CD86: variants seen among roughly 807,000 people sequenced by gnomAD.
CD86 encodes the protein CD86 molecule, also known as T-lymphocyte activation antigen CD86.
A neutral mutation model predicts 32.1 loss-of-function variants in CD86; 11 were observed. The ratio of observed to expected loss-of-function variants is 0.34; its 90% CI spans 0.22 to 0.57. The LOEUF is 0.57. Ranked by LOEUF, CD86 falls within the 20% of genes least tolerant of loss-of-function variation. The pLI is 0.86. For missense variants in CD86, 359 were observed against 398.4 expected (o/e 0.90, Z 0.84); for synonymous variants, 137 against 135.3 (o/e 1.01, Z -0.09).
intron 1 of CD86, among the ~76,000 whole-genome samples, chr3:122,086,894 G>C (rs1036500153): frequency 8.3e-6 from 1 of 120,986 alleles, no homozygotes; most frequent in Non-Finnish European, 1.7e-5. Context: ...AAACTGGTTG[G>C]CATTTTTAAA....
At chr3:122,110,499 C>T (rs76215842) in intron 5 of CD86, among the ~76,000 whole-genome samples, 3,445 of 152,246 alleles carry the variant, frequency 0.023, 50 homozygotes, top group Middle Eastern at 0.034. Context: ...TGAGTATTGC[C>T]TCTGGCCAGC....
intron 4 of CD86, among the ~76,000 whole-genome samples, chr3:122,108,528 A>C (rs963864550): frequency 6.6e-6 from 1 of 152,210 alleles, no homozygotes; most frequent in South Asian, 2.1e-4. Flanking sequence ...ATTAGCTACC[A>C]GAACTGTTCC....
chr3:122,087,706 G>A (rs562385049), intron 1 of CD86, among the ~76,000 whole-genome samples: 1 of 152,164 alleles, frequency 6.6e-6, no homozygotes, highest in South Asian at 2.1e-4. Flanking sequence ...TGGAAGGATT[G>A]TTACTCCTGG....
At chr3:122,068,674 G>A (rs1224502954) in intron 1 of CD86, among the ~76,000 whole-genome samples, 1 of 152,148 alleles carries the variant, frequency 6.6e-6, no homozygotes, top group East Asian at 1.9e-4. Context: ...TTTTAAATGT[G>A]CTGCTGTATA....
intron 1 of CD86, among the ~76,000 whole-genome samples, chr3:122,087,785 G>A (rs1190495959): frequency 6.6e-6 from 1 of 152,126 alleles, no homozygotes; most frequent in Non-Finnish European, 1.5e-5. Context: ...TGGCAGAAGT[G>A]TGTTAGGCTT....
At chr3:122,067,649 C>A (rs2072433476) in intron 1 of CD86, among the ~76,000 whole-genome samples, 4 of 152,138 alleles carry the variant, frequency 2.6e-5, no homozygotes, top group Admixed American at 2.6e-4. Flanking sequence ...CAAATGCTGT[C>A]CTTCTTAAAA....
At chr3:122,080,561 G>A (rs565098091) in intron 1 of CD86, among the ~76,000 whole-genome samples, 2 of 152,220 alleles carry the variant, frequency 1.3e-5, no homozygotes, top group East Asian at 1.9e-4. Context: ...CTAAATCTGC[G>A]AAGACATTTC....
chr3:122,109,286 C>T lies in CD86; in HGVS notation c.725C>T (p.Pro242Leu). The T allele has an allele frequency of 6.2e-7, 1 of 1,613,886 alleles. No individual in the cohort carries two copies. The highest frequency in any genetic ancestry group is 8.5e-7 in the Non-Finnish European group (1 of 1,179,890). Residue 242 changes from proline (P) to leucine (L), a missense_variant, in exon 5 of 7, where the codon CCC becomes CTC. Physicochemically the swap from Pro to Leu is moderately conservative, Grantham distance 98 (BLOSUM62 -3). Transcript: ENST00000330540. Reference protein sequence around the residue: ...FSIELEDPQPPPDHIPWITAV... With the variant: ...FSIELEDPQPLPDHIPWITAV... Reference sequence around the variant, plus strand: ...GTAGAGCTTGAGGACCCTCAGCCTCCCCCAGACCACATTCCTTGGATTACA... The same window carrying T: ...GTAGAGCTTGAGGACCCTCAGCCTCTCCCAGACCACATTCCTTGGATTACA...
chr3:122,103,717 G>T lies in CD86; in HGVS notation c.270G>T (p.Ser90=). ...ATATGGGCCGCACAAGTTTTGATTCGGACAGTTGGACCCTGAGACTTCACA... is the reference window on the plus strand; with the variant it reads ...ATATGGGCCGCACAAGTTTTGATTCTGACAGTTGGACCCTGAGACTTCACA... The part of the protein sequence containing the change: ...SKYMGRTSFD[S]DSWTLRLHNL... The change falls in exon 3 of 7, where the codon TCG becomes TCT. Residue 90 remains serine, a synonymous_variant. Coordinates refer to ENST00000330540, the MANE Select transcript of CD86 (RefSeq NM_175862.5). The T allele has an allele frequency of 6.2e-7, 1 of 1,614,002 alleles. No individual in the cohort carries two copies. The highest frequency in any genetic ancestry group is 1.1e-5 in the South Asian group (1 of 91,076).
chr3:122,093,926 C>A (rs2072867531), intron 2 of CD86, among the ~76,000 whole-genome samples: 1 of 152,210 alleles, frequency 6.6e-6, no homozygotes, highest in Admixed American at 6.5e-5. Flanking sequence ...AGCATTCGTT[C>A]ACTTGACTCT....
intron 4 of CD86, among the ~76,000 whole-genome samples, chr3:122,108,632 G>A (rs977502045): frequency 4.6e-5 from 7 of 152,178 alleles, no homozygotes; most frequent in Non-Finnish European, 7.3e-5. Context: ...CTCATGTAAG[G>A]AAGTAGTTCC....
intron 2 of CD86, among the ~76,000 whole-genome samples, chr3:122,095,170 GA>G (rs1559907621): frequency 1.9e-5 from 2 of 106,264 alleles, no homozygotes; most frequent in African/African-American, 3.2e-5. Flanking sequence ...TTCACTTTAA[GA>G]TTTTTTTTTT....
intron 1 of CD86, among the ~76,000 whole-genome samples, chr3:122,063,689 C>G (rs1576756928): frequency 6.6e-6 from 1 of 151,650 alleles, no homozygotes; most frequent in East Asian, 1.9e-4. Flanking sequence ...GCCTTCACCT[C>G]CCGGGTTCAG....
intron 2 of CD86, among the ~76,000 whole-genome samples, chr3:122,094,110 C>G (rs1016394075): frequency 6.6e-6 from 1 of 152,206 alleles, no homozygotes; most frequent in Non-Finnish European, 1.5e-5. Context: ...AAGCCCTTCT[C>G]ATCAAAGTGA....
intron 2 of CD86, among the ~76,000 whole-genome samples, chr3:122,098,080 T>A (rs960588422): frequency 6.6e-6 from 1 of 152,228 alleles, no homozygotes; most frequent in African/African-American, 2.4e-5. Flanking sequence ...AGATTAAGCC[T>A]CTTTAATTGC....
At chr3:122,106,774 G>T (rs1194388951) in intron 4 of CD86, among the ~76,000 whole-genome samples, 1 of 150,736 alleles carries the variant, frequency 6.6e-6, no homozygotes, top group African/African-American at 2.4e-5. Context: ...CTGAAGTTTT[G>T]ATTTAAAAAT....
At chr3:122,059,167 G>T (rs2072286670) in intron 1 of CD86, among the ~76,000 whole-genome samples, 1 of 152,098 alleles carries the variant, frequency 6.6e-6, no homozygotes, top group African/African-American at 2.4e-5. Context: ...CAAAAAAGAG[G>T]GATGGCCTGG....
intron 1 of CD86, among the ~76,000 whole-genome samples, chr3:122,066,666 C>T (rs761575299): frequency 2.0e-5 from 3 of 152,006 alleles, no homozygotes; most frequent in Admixed American, 6.6e-5. Flanking sequence ...CAGCACAGTT[C>T]GTAGCTCATA....
At chr3:122,118,913 G>A (rs2107553651) in intron 6 of CD86, among the ~76,000 whole-genome samples, 1 of 152,252 alleles carries the variant, frequency 6.6e-6, no homozygotes, top group East Asian at 1.9e-4. Context: ...TATCCCTCCT[G>A]AGAAATTAAG....
Sources: gnomAD v4.1 joint callset for allele counts (sites outside exome capture counted in the v4.1 genomes callset) on GRCh38, gnomAD v4.1.1 for gene constraint, MANE v1.5 for transcripts, NCBI Gene and HGNC (gene_info 2026-07-23, HGNC 2026-07-21) for gene names.